PRKN: variants seen among roughly 807,000 people sequenced by gnomAD.
The protein encoded by PRKN is parkin RBR E3 ubiquitin protein ligase, also known as E3 ubiquitin-protein ligase parkin.
A neutral mutation model predicts 59.5 loss-of-function variants in PRKN; 56 were observed. The ratio of observed to expected loss-of-function variants is 0.94; its 90% CI spans 0.76 to 1.18. The LOEUF (loss-of-function observed/expected upper bound fraction) is 1.18, where lower values mean the gene tolerates loss of function less well. Ranked by LOEUF, PRKN falls within the 50% of genes most tolerant of loss-of-function variation. PRKN has a pLI of 0.00. For synonymous variants in PRKN, 250 were observed against 222.1 expected (o/e 1.13, Z -1.12); for missense variants, 657 against 596.4 (o/e 1.10, Z -1.06).
chr6:161,532,583 C>T (rs1331477437), intron 9 of PRKN, among the ~76,000 whole-genome samples: 1 of 152,040 alleles, frequency 6.6e-6, no homozygotes, highest in Non-Finnish European at 1.5e-5. Flanking sequence ...TATAAATTAG[C>T]TTTGTGGGGT....
chr6:161,573,583 G>C (rs1165270424), intron 7 of PRKN, among the ~76,000 whole-genome samples: 1 of 150,112 alleles, frequency 6.7e-6, no homozygotes, highest in Non-Finnish European at 1.5e-5. Flanking sequence ...AGCCTGGCGT[G>C]GTGGCGGGCG....
intron 6 of PRKN, among the ~76,000 whole-genome samples, chr6:161,903,974 G>A (rs1778034231): frequency 1.3e-5 from 2 of 151,924 alleles, no homozygotes; most frequent in African/African-American, 4.8e-5. Context: ...GAAACAGGAG[G>A]GAAGCAGAGT....
intron 3 of PRKN, among the ~76,000 whole-genome samples, chr6:162,242,793 T>C (rs1386368267): frequency 6.6e-6 from 1 of 152,136 alleles, no homozygotes; most frequent in Non-Finnish European, 1.5e-5. Context: ...GTTTCTGGAC[T>C]GCATTTTCGC....
intron 4 of PRKN, among the ~76,000 whole-genome samples, chr6:162,182,238 T>G (rs1783831143): frequency 6.6e-6 from 1 of 152,188 alleles, no homozygotes; most frequent in African/African-American, 2.4e-5. Flanking sequence ...TAAACACAGA[T>G]GTTGCCTGGA....
intron 4 of PRKN, among the ~76,000 whole-genome samples, chr6:162,186,357 A>T (rs1010676450): frequency 6.6e-6 from 1 of 151,856 alleles, no homozygotes. Flanking sequence ...AATCAAGCAG[A>T]AAGTACATCC....
At chr6:162,334,518 A>G (rs1783744787) in intron 2 of PRKN, among the ~76,000 whole-genome samples, 1 of 152,210 alleles carries the variant, frequency 6.6e-6, no homozygotes, top group Admixed American at 6.5e-5. Flanking sequence ...TTTTAAGTGC[A>G]CTGTTGAGAA....
At chr6:162,065,502 A>G (rs539886102) in intron 4 of PRKN, among the ~76,000 whole-genome samples, 1 of 151,584 alleles carries the variant, frequency 6.6e-6, no homozygotes, top group African/African-American at 2.4e-5. Flanking sequence ...GAATTTCAAT[A>G]TCCTCTGGCA....
chr6:161,934,112 C>G (rs1414249757), intron 6 of PRKN, among the ~76,000 whole-genome samples: 1 of 152,198 alleles, frequency 6.6e-6, no homozygotes, highest in Non-Finnish European at 1.5e-5. Context: ...GGCGCTTCGC[C>G]ATGAAGTTCT....
chr6:161,510,461 T>C (rs1230379288), intron 9 of PRKN, among the ~76,000 whole-genome samples: 2 of 152,084 alleles, frequency 1.3e-5, no homozygotes, highest in Non-Finnish European at 2.9e-5. Context: ...CAAGTTGTTG[T>C]TTCCAGTTAA....
At chr6:162,223,492 A>G (rs1015667076) in intron 3 of PRKN, among the ~76,000 whole-genome samples, 2 of 109,036 alleles carry the variant, frequency 1.8e-5, no homozygotes, top group Non-Finnish European at 3.3e-5. Context: ...GCTTGTAAAC[A>G]AAATTAAATT....
At chr6:162,679,355 C>T (rs893309991) in intron 1 of PRKN, among the ~76,000 whole-genome samples, 3 of 152,036 alleles carry the variant, frequency 2.0e-5, no homozygotes, top group Admixed American at 6.5e-5. Flanking sequence ...CCGCCCACCT[C>T]GGCCTCCCAA....
At chr6:161,695,963 G>A (rs1786004073) in intron 7 of PRKN, among the ~76,000 whole-genome samples, 1 of 152,210 alleles carries the variant, frequency 6.6e-6, no homozygotes, top group African/African-American at 2.4e-5. Flanking sequence ...GGCTGAAGAA[G>A]TGTTTAAAAA....
intron 2 of PRKN, among the ~76,000 whole-genome samples, chr6:162,405,504 T>C (rs1321079628): frequency 2.6e-5 from 4 of 152,140 alleles, no homozygotes; most frequent in Non-Finnish European, 5.9e-5. Context: ...TGTGTGGTGA[T>C]GGGAATGCAG....
chr6:161,740,722 G>A (rs1367858968), intron 7 of PRKN, among the ~76,000 whole-genome samples: 1 of 152,234 alleles, frequency 6.6e-6, no homozygotes, highest in Non-Finnish European at 1.5e-5. Context: ...CCCAAGCTTT[G>A]CAGCTGATTC....
intron 3 of PRKN, among the ~76,000 whole-genome samples, chr6:162,215,013 C>A (rs1168194778): frequency 6.6e-6 from 1 of 152,130 alleles, no homozygotes; most frequent in African/African-American, 2.4e-5. Flanking sequence ...ATCCTTATTT[C>A]ATCCTACTTC....
intron 7 of PRKN, among the ~76,000 whole-genome samples, chr6:161,658,763 T>C (rs1242569745): frequency 1.3e-5 from 2 of 152,248 alleles, no homozygotes; most frequent in South Asian, 4.1e-4. Flanking sequence ...ACTCACAGCA[T>C]ACTGTTTAGG....
intron 2 of PRKN, among the ~76,000 whole-genome samples, chr6:162,428,989 G>A (rs748879925): frequency 2.6e-5 from 4 of 152,096 alleles, no homozygotes; most frequent in Admixed American, 6.6e-5. Context: ...TCCAATATAA[G>A]GTAGTGTCAC....
intron 2 of PRKN, among the ~76,000 whole-genome samples, chr6:162,271,179 T>C (rs1007085199): frequency 1.3e-5 from 2 of 152,026 alleles, no homozygotes; most frequent in African/African-American, 4.8e-5. Flanking sequence ...GCAGATGTGG[T>C]TGGAAGCCCA....
chr6:161,812,621 T>C (rs372242925), intron 6 of PRKN, among the ~76,000 whole-genome samples: 36 of 152,284 alleles, frequency 2.4e-4, no homozygotes, highest in African/African-American at 8.4e-4. Flanking sequence ...ATGTCAAATG[T>C]GCACATGAAA....
Sources: gnomAD v4.1 joint callset for allele counts (sites outside exome capture counted in the v4.1 genomes callset) on GRCh38, gnomAD v4.1.1 for gene constraint, MANE v1.5 for transcripts, NCBI Gene and HGNC (gene_info 2026-07-23, HGNC 2026-07-21) for gene names.